Variants in TINAG observed in about 807,000 individuals in gnomAD.
TINAG encodes tubulointerstitial nephritis antigen.
In TINAG, 83 loss-of-function variants were observed where a neutral mutation model predicts 72.7. The observed-to-expected ratio is 1.14, with a 90% CI of 0.96 to 1.37. The LOEUF is 1.37. Ranked by LOEUF, TINAG falls within the 40% of genes most tolerant of loss-of-function variation. The pLI, the probability that TINAG is intolerant of heterozygous loss-of-function variation, is 0.00. For missense variants in TINAG, 685 were observed against 576.6 expected, an observed-to-expected ratio of 1.19 and a Z score of -1.93; for synonymous variants, 234 against 189.9, an observed-to-expected ratio of 1.23 and a Z score of -1.91.
At chr6:54,358,724 T>C (rs1763137676) in intron 9 of TINAG, among the ~76,000 whole-genome samples, 1 of 151,794 alleles carries the variant, frequency 6.6e-6, no homozygotes, top group African/African-American at 2.4e-5. Flanking sequence ...TTACTACTAC[T>C]CTTTGCCTTT....
chr6:54,355,714 CGT>C (rs5876379), intron 9 of TINAG, among the ~76,000 whole-genome samples: 15,584 of 144,982 alleles, frequency 0.11, 1,433 homozygotes, highest in East Asian at 0.29. Context: ...AAAAATGTAA[CGT>C]GTGTGTGTGT....
intron 5 of TINAG, among the ~76,000 whole-genome samples, chr6:54,345,351 A>G (rs1785095756): frequency 6.6e-6 from 1 of 152,126 alleles, no homozygotes; most frequent in African/African-American, 2.4e-5. Flanking sequence ...TTCAGTTGAA[A>G]TCTACAGATT....
chr6:54,370,719 G>A (rs1021891997), intron 9 of TINAG, among the ~76,000 whole-genome samples: 5 of 152,146 alleles, frequency 3.3e-5, no homozygotes, highest in South Asian at 2.1e-4. Context: ...ACTCACTGTC[G>A]GAAGAGTAGA....
chr6:54,333,548 A>G (rs1236635562), intron 4 of TINAG, among the ~76,000 whole-genome samples: 2 of 152,106 alleles, frequency 1.3e-5, no homozygotes, highest in African/African-American at 2.4e-5. Context: ...GCAAACCACC[A>G]TGGCACATGT....
At chr6:54,389,136 C>A (rs566055927) in intron 10 of TINAG, among the ~76,000 whole-genome samples, 155 of 152,208 alleles carry the variant, frequency 1.0e-3, no homozygotes, top group African/African-American at 3.5e-3. Context: ...CTAACTATAA[C>A]AATTTTATTG....
intron 8 of TINAG, among the ~76,000 whole-genome samples, chr6:54,351,661 G>A (rs1390264969): frequency 1.7e-4 from 26 of 151,746 alleles, no homozygotes; most frequent in Admixed American, 1.6e-3. Context: ...GAATAACTCC[G>A]AAATCTTTCC....
intron 10 of TINAG, among the ~76,000 whole-genome samples, chr6:54,389,400 A>G (rs148077584): frequency 5.3e-5 from 8 of 152,312 alleles, no homozygotes; most frequent in Admixed American, 1.3e-4. Flanking sequence ...ATTCTTCATT[A>G]GATTATAAAC....
intron 10 of TINAG, among the ~76,000 whole-genome samples, chr6:54,388,682 A>G (rs1764167441): frequency 6.6e-6 from 1 of 151,870 alleles, no homozygotes. Flanking sequence ...GGCCTTCATG[A>G]TATTCTCCAT....
At chr6:54,372,078 G>A (rs1205125809) in intron 9 of TINAG, among the ~76,000 whole-genome samples, 6 of 129,206 alleles carry the variant, frequency 4.6e-5, no homozygotes, top group South Asian at 2.7e-4. Context: ...TGCAACCTCC[G>A]CCTCCTGGGT....
At chr6:54,351,713 AACTG>A (rs1785271057) in intron 8 of TINAG, among the ~76,000 whole-genome samples, 1 of 151,946 alleles carries the variant, frequency 6.6e-6, no homozygotes, top group Admixed American at 6.6e-5. Context: ...ATGAAATGCC[AACTG>A]ACTAATTTGT....
At chr6:54,352,370 C>G (rs558040265) in intron 8 of TINAG, among the ~76,000 whole-genome samples, 167 of 151,890 alleles carry the variant, frequency 1.1e-3, no homozygotes, top group African/African-American at 3.7e-3. Context: ...CACCACTTAG[C>G]ATTTATTGAG....
In TINAG at chr6:54,366,917, T is replaced by G. The variant is rs1052792470; in HGVS notation, c.1250+12281T>G. 3 of 151,584 alleles carry G rather than the reference T, an allele frequency of 2.0e-5. No individual in the cohort carries two copies. In the East Asian group the frequency reaches 5.8e-4, roughly 29 times the overall value. The allele number at this position is 151,584 out of a possible 1,614,324, so 9.4% of individuals were successfully genotyped here. A position where few individuals can be genotyped will look rare whatever the true frequency, so the allele number is the denominator to read the frequency against. On this transcript the variant is annotated intron_variant, in intron 9 of 10. Coordinates refer to ENST00000259782, the MANE Select transcript of TINAG (RefSeq NM_014464.4). ...GAATCTGAAGGAACTTATGAGTAAGTGTAGAGCAAGGAGGAATCTAATAAA... is the reference window on the plus strand; with the variant it reads ...GAATCTGAAGGAACTTATGAGTAAGGGTAGAGCAAGGAGGAATCTAATAAA...
intron 9 of TINAG, among the ~76,000 whole-genome samples, chr6:54,376,608 A>T (rs975551651): frequency 2.0e-5 from 3 of 152,186 alleles, no homozygotes; most frequent in Non-Finnish European, 4.4e-5. Context: ...TCTAGGCATA[A>T]CTTAAAATAG....
intron 4 of TINAG, among the ~76,000 whole-genome samples, chr6:54,334,947 G>GTT (rs908572868): frequency 6.7e-6 from 1 of 149,788 alleles, no homozygotes; most frequent in African/African-American, 2.5e-5. Context: ...CAGAAAAAGA[G>GTT]TTTTTTTTTT....
intron 9 of TINAG, among the ~76,000 whole-genome samples, chr6:54,359,325 A>T (rs990156053): frequency 6.6e-6 from 1 of 151,728 alleles, no homozygotes; most frequent in African/African-American, 2.4e-5. Context: ...TTTTTGCCCA[A>T]TCTAGGGGCT....
chr6:54,347,596 A>C, intron 6 of TINAG, 79 bp downstream of exon 6: 1 of 1,478,308 alleles, frequency 6.8e-7, no homozygotes, highest in Non-Finnish European at 9.1e-7. Flanking sequence ...TAATCCCAAG[A>C]TTTTTACAAA....
chr6:54,355,607 T>C (rs1763012220), intron 9 of TINAG, among the ~76,000 whole-genome samples: 1 of 151,974 alleles, frequency 6.6e-6, no homozygotes. Flanking sequence ...ACTAATTTTA[T>C]GACTGTGCTG....
intron 2 of TINAG, 100 bp downstream of exon 2, chr6:54,320,742 T>TATAG (rs1784472295): frequency 1.1e-5 from 10 of 882,316 alleles, no homozygotes; most frequent in Non-Finnish European, 1.7e-5. Context: ...TTTATGTACA[T>TATAG]ATAGGCAGAA....
chr6:54,327,114 T>A, intron 4 of TINAG, 198 bp downstream of exon 4: 1 of 1,549,432 alleles, frequency 6.5e-7, no homozygotes, highest in East Asian at 2.4e-5. Context: ...AAGTTTACTG[T>A]TACCAATTAG....
Sources: gnomAD v4.1 joint callset for allele counts (sites outside exome capture counted in the v4.1 genomes callset) on GRCh38, gnomAD v4.1.1 for gene constraint, MANE v1.5 for transcripts, NCBI Gene and HGNC (gene_info 2026-07-23, HGNC 2026-07-21) for gene names.